F13A1: variants seen among roughly 807,000 people sequenced by gnomAD.
F13A1 encodes FSF, A subunit.
A neutral mutation model predicts 80.1 loss-of-function variants in F13A1; 47 were observed. The ratio of observed to expected loss-of-function variants is 0.59; its 90% CI spans 0.46 to 0.75. The LOEUF (loss-of-function observed/expected upper bound fraction) is 0.75. F13A1 is among the 30% of genes least tolerant of loss of function. The probability of loss-of-function intolerance (pLI) is 0.00; values close to 1 mark genes in which losing one functional copy is unlikely to be tolerated. For synonymous variants in F13A1, 349 were observed against 344.9 expected (o/e 1.01, Z -0.13); for missense variants, 817 against 930.4 (o/e 0.88, Z 1.59).
At chr6:6,226,011 A>T (rs946155866) in intron 6 of F13A1, among the ~76,000 whole-genome samples, 4 of 152,256 alleles carry the variant, frequency 2.6e-5, no homozygotes, top group African/African-American at 7.2e-5. Flanking sequence ...GACTACATTC[A>T]TCTTGTAGCA....
intron 13 of F13A1, among the ~76,000 whole-genome samples, chr6:6,166,080 G>A (rs921958324): frequency 2.0e-5 from 3 of 152,250 alleles, no homozygotes; most frequent in African/African-American, 7.2e-5. Context: ...TGAAGGAGCT[G>A]GTTCCCAGCC....
chr6:6,182,145 G>A lies in F13A1; in HGVS notation c.1306-4C>T, dbSNP rs748900831. 6.2e-7 allele frequency: 1 copy of A among 1,613,908 alleles called. No individual in the cohort carries two copies. The highest frequency in any genetic ancestry group is 8.5e-7 in the Non-Finnish European group (1 of 1,179,996). On this transcript the variant is annotated splice_region_variant and splice_polypyrimidine_tract_variant and intron_variant, in intron 10 of 14. Transcript: ENST00000264870. ...TGTAAATGAGGTCGCTGTTGACCTG[G>A]AAACAGGAGAGGAGAGCATTAGCCA... is the stretch of plus-strand genomic sequence containing the variant.
chr6:6,254,303 G>T (rs1757675958), intron 4 of F13A1, among the ~76,000 whole-genome samples: 1 of 152,108 alleles, frequency 6.6e-6, no homozygotes, highest in Non-Finnish European at 1.5e-5. Flanking sequence ...ATTTCTAGAT[G>T]TCTATTCTAC....
chr6:6,167,140 A>AC (rs1309461725), intron 13 of F13A1, among the ~76,000 whole-genome samples: 11 of 152,172 alleles, frequency 7.2e-5, no homozygotes, highest in Non-Finnish European at 1.5e-4. Flanking sequence ...GAAAGTTCTA[A>AC]GTATCTGTAG....
intron 10 of F13A1, among the ~76,000 whole-genome samples, chr6:6,186,304 A>G (rs1175936861): frequency 1.3e-5 from 2 of 151,984 alleles, no homozygotes; most frequent in African/African-American, 2.4e-5. Flanking sequence ...GCCCATGCCT[A>G]TGTCCTGAAT....
intron 12 of F13A1, among the ~76,000 whole-genome samples, chr6:6,173,519 T>C (rs1489451048): frequency 6.6e-6 from 1 of 151,634 alleles, no homozygotes; most frequent in Non-Finnish European, 1.5e-5. Context: ...GCAATTCTCC[T>C]GCCTCAGCCT....
intron 8 of F13A1, among the ~76,000 whole-genome samples, chr6:6,209,091 G>A (rs1004973246): frequency 6.6e-6 from 1 of 152,082 alleles, no homozygotes; most frequent in Non-Finnish European, 1.5e-5. Context: ...TCACATATAT[G>A]ATAGAGAGCT....
chr6:6,295,332 A>G lies in F13A1; in HGVS notation c.319+10019T>C, dbSNP rs1389293099. ...GAGGAATTGCCACACTGACTTCCAC[A>G]ATGGTTGAACTAGTTTACAGTCCCA... On this transcript the variant is annotated intron_variant, in intron 3 of 14. Transcript: ENST00000264870. Among the ~76,000 whole-genome samples, 4 of 148,404 alleles carry G rather than the reference A, an allele frequency of 2.7e-5. 1 individual carries two copies. Among genetic ancestry groups the G allele is most frequent in the East Asian group, 1.9e-4 (1 of 5,148 alleles).
intron 5 of F13A1, among the ~76,000 whole-genome samples, chr6:6,249,829 G>T (rs983762887): frequency 6.6e-6 from 1 of 152,144 alleles, no homozygotes; most frequent in Non-Finnish European, 1.5e-5. Context: ...AAGAACAGGG[G>T]GTGCCAACTA....
intron 8 of F13A1, among the ~76,000 whole-genome samples, chr6:6,219,911 A>G (rs1208143794): frequency 6.6e-6 from 1 of 152,236 alleles, no homozygotes. Flanking sequence ...AATGAAGGCA[A>G]TAATAGCAGC....
At chr6:6,245,204 C>T (rs1304143997) in intron 6 of F13A1, among the ~76,000 whole-genome samples, 1 of 152,296 alleles carries the variant, frequency 6.6e-6, no homozygotes, top group South Asian at 2.1e-4. Context: ...TATAAATATA[C>T]TGAACAATAA....
intron 13 of F13A1, among the ~76,000 whole-genome samples, chr6:6,152,603 G>A (rs888900505): frequency 1.3e-5 from 2 of 152,192 alleles, no homozygotes; most frequent in African/African-American, 2.4e-5. Flanking sequence ...CCAGAGCTCA[G>A]TGCCAGGTTC....
At chr6:6,286,065 G>A (rs2154299) in intron 3 of F13A1, among the ~76,000 whole-genome samples, 12,589 of 152,316 alleles carry the variant, frequency 0.083, 676 homozygotes, top group Middle Eastern at 0.14. Flanking sequence ...AGAATCACAG[G>A]AGTAGGGACG....
chr6:6,153,181 T>C (rs975788562), intron 13 of F13A1, among the ~76,000 whole-genome samples: 2 of 152,228 alleles, frequency 1.3e-5, no homozygotes, highest in African/African-American at 4.8e-5. Flanking sequence ...ATCTTCCAGA[T>C]GACAACACAG....
intron 8 of F13A1, among the ~76,000 whole-genome samples, chr6:6,205,834 A>G (rs1433034442): frequency 3.3e-5 from 5 of 151,668 alleles, no homozygotes; most frequent in Admixed American, 6.6e-5. Context: ...ATTAAAATTA[A>G]AAATTTTCAG....
chr6:6,185,361 C>A (rs1761061153), intron 10 of F13A1, among the ~76,000 whole-genome samples: 1 of 144,734 alleles, frequency 6.9e-6, no homozygotes, highest in East Asian at 2.1e-4. Flanking sequence ...TCAATTCCCA[C>A]CTATGAGTGA....
rs139546805 is a variant in F13A1, at chr6:6,231,443, G to C, written c.799-6583C>G. Among the ~76,000 whole-genome samples, 996 of 151,804 alleles carry C rather than the reference G, an allele frequency of 6.6e-3. 10 individuals carry two copies. Among genetic ancestry groups the C allele is most frequent in the African/African-American group, 0.023 (951 of 41,322 alleles). On this transcript the variant is annotated intron_variant, in intron 6 of 14. Transcript: ENST00000264870. ...TCTGGGATTATGTTAAATGACCAAAGCTAAGAATAATCGGTGTTCCTGAGG... is the reference window on the plus strand; with the variant it reads ...TCTGGGATTATGTTAAATGACCAAACCTAAGAATAATCGGTGTTCCTGAGG...
At chr6:6,190,667 C>T (rs544308879) in intron 10 of F13A1, among the ~76,000 whole-genome samples, 96 of 151,894 alleles carry the variant, frequency 6.3e-4, no homozygotes, top group Non-Finnish European at 1.1e-3. Flanking sequence ...GAGGTTACTG[C>T]TGTCTTTTTG....
Position 6,145,773 on chromosome 6 carries a change from C to A in F13A1, c.2046-1G>T, listed in dbSNP as rs754375718. On this transcript the variant is annotated splice_acceptor_variant, in intron 14 of 14. Transcript: ENST00000264870. LOFTEE classifies it high-confidence loss of function. Reference sequence around the variant, plus strand: ...CACGGTGGAGTTGGGCCGGATTTCACTGAAAGGATGGAAAAGAGAGGAGAG... The same window carrying A: ...CACGGTGGAGTTGGGCCGGATTTCAATGAAAGGATGGAAAAGAGAGGAGAG... The A allele has an allele frequency of 6.2e-7, 1 of 1,614,030 alleles. No homozygotes were observed. The highest frequency in any genetic ancestry group is 8.5e-7 in the Non-Finnish European group (1 of 1,179,948).
Sources: allele counts gnomAD v4.1 joint callset (sites outside exome capture counted in the v4.1 genomes callset), GRCh38; gene constraint gnomAD v4.1.1; transcripts MANE v1.5; gene names NCBI Gene and HGNC (gene_info 2026-07-23, HGNC 2026-07-21).